Variants in ANKH observed in about 807,000 individuals in gnomAD.
The protein encoded by ANKH is ANKH inorganic pyrophosphate transport regulator.
ANKH carries 15 observed loss-of-function variants against 49.0 expected under a neutral mutation model. That is an observed-to-expected ratio of 0.31 (90% CI 0.20 to 0.47). The LOEUF (loss-of-function observed/expected upper bound fraction) is 0.47. Among genes scored for constraint, ANKH ranks in the 20% least tolerant of loss-of-function variants. The pLI is 1.00. For synonymous variants in ANKH, 273 were observed against 260.0 expected (o/e 1.05, Z -0.48); for missense variants, 429 against 652.0 (o/e 0.66, Z 3.72).
At chr5:14,772,525 G>A (rs1580056109) in intron 1 of ANKH, among the ~76,000 whole-genome samples, 1 of 152,032 alleles carries the variant, frequency 6.6e-6, no homozygotes, top group East Asian at 1.9e-4. Flanking sequence ...TAGCCTCTGA[G>A]AGCACACCTG....
chr5:14,862,052 A>G (rs1452393436), intron 1 of ANKH, among the ~76,000 whole-genome samples: 2 of 152,168 alleles, frequency 1.3e-5, no homozygotes, highest in Non-Finnish European at 2.9e-5. Context: ...CCTGGCCAAC[A>G]TGGTGAAACC....
intron 1 of ANKH, among the ~76,000 whole-genome samples, chr5:14,830,835 C>T (rs1741484725): frequency 6.6e-6 from 1 of 152,064 alleles, no homozygotes; most frequent in African/African-American, 2.4e-5. Context: ...TGGTTTTTGG[C>T]ATCCAAAGGG....
At chr5:14,856,321 T>C (rs1056457104) in intron 1 of ANKH, among the ~76,000 whole-genome samples, 1 of 152,174 alleles carries the variant, frequency 6.6e-6, no homozygotes, top group Non-Finnish European at 1.5e-5. Context: ...TTTGCAATAC[T>C]ATCATACATA....
intron 9 of ANKH, among the ~76,000 whole-genome samples, chr5:14,715,740 G>A (rs190394791): frequency 1.7e-4 from 26 of 149,378 alleles, no homozygotes; most frequent in African/African-American, 6.4e-4. Flanking sequence ...ATTTGCTATG[G>A]AAATGGTTGT....
rs542102719 is a variant in ANKH, at chr5:14,787,192, TA to T, written c.97-18002del. 4.7e-4 allele frequency among the ~76,000 whole-genome samples: 71 copies of T among 152,256 alleles called. No individual in the cohort carries two copies. The East Asian group carries it at 0.013, about 27-fold the overall frequency. On this transcript the variant is annotated intron_variant, in intron 1 of 11. Coordinates refer to ENST00000284268, the MANE Select transcript of ANKH (RefSeq NM_054027.6). Reference sequence around the variant, plus strand: ...AGCCTGGCCTGGTTGCATGCGCCTGTAATCCCAGCTACTTGGGAAGCTGAGG... The same window carrying T: ...AGCCTGGCCTGGTTGCATGCGCCTGTATCCCAGCTACTTGGGAAGCTGAGG...
intron 1 of ANKH, chr5:14,797,993 GT>G: frequency 6.4e-7 from 1 of 1,561,404 alleles, no homozygotes; most frequent in Non-Finnish European, 8.8e-7. Flanking sequence ...TGATACAAGG[GT>G]TCTGGGGCAT....
chr5:14,866,971 A>G (rs1412198158), intron 1 of ANKH, among the ~76,000 whole-genome samples: 1 of 152,156 alleles, frequency 6.6e-6, no homozygotes, highest in Non-Finnish European at 1.5e-5. Flanking sequence ...AGCCTGGGCA[A>G]CATGGTGAAA....
At chr5:14,771,921 G>GAAAAAAAAAAAAAAAAAAAAAA (rs869185652) in intron 1 of ANKH, among the ~76,000 whole-genome samples, 3 of 53,390 alleles carry the variant, frequency 5.6e-5, no homozygotes, top group South Asian at 9.3e-4. Flanking sequence ...CTCAAAAAAA[G>GAAAAAAAAAAAAAAAAAAAAAA]AAAAAAAAAA....
At chr5:14,788,523 C>T (rs920066708) in intron 1 of ANKH, among the ~76,000 whole-genome samples, 1 of 152,222 alleles carries the variant, frequency 6.6e-6, no homozygotes, top group East Asian at 1.9e-4. Context: ...ACACCACACA[C>T]ACTAAGTATA....
chr5:14,762,735 G>C (rs951902195), intron 2 of ANKH, among the ~76,000 whole-genome samples: 5 of 97,874 alleles, frequency 5.1e-5, no homozygotes, highest in Admixed American at 1.9e-4. Flanking sequence ...AGAGCTATTG[G>C]GGGGGTGGGG....
intron 1 of ANKH, among the ~76,000 whole-genome samples, chr5:14,855,793 T>C (rs1190276075): frequency 6.9e-6 from 1 of 144,660 alleles, no homozygotes; most frequent in Non-Finnish European, 1.5e-5. Flanking sequence ...GGCACACTAC[T>C]GAGAAAATCC....
rs1366779483 is a variant in ANKH at position 14,771,936 on chromosome 5, A to AC, written c.97-2746_97-2745insG. Among the ~76,000 whole-genome samples the AC allele has an allele frequency of 6.4e-3, 753 of 117,256 alleles. 12 individuals carry two copies. The highest frequency in any genetic ancestry group is 8.4e-3 in the Non-Finnish European group (394 of 47,132). 76.9% of individuals were successfully genotyped at this position (117,256 alleles called of 152,430 possible). A position where few individuals can be genotyped will look rare whatever the true frequency, so the allele number is the denominator to read the frequency against. ...CTCAAAAAAAGAAAAAAAAAAAAAA[A>AC]AAAAAAAAAAACCAAAACAAAACAA... On this transcript the variant is annotated intron_variant, in intron 1 of 11. Coordinates refer to ENST00000284268, the MANE Select transcript of ANKH (RefSeq NM_054027.6).
intron 1 of ANKH, among the ~76,000 whole-genome samples, chr5:14,854,107 A>G (rs1223167485): frequency 2.6e-5 from 4 of 152,254 alleles, no homozygotes; most frequent in African/African-American, 9.6e-5. Context: ...CAAATGGCTG[A>G]GAACTAACTG....
intron 11 of ANKH, 64 bp from the exon 12 acceptor site, chr5:14,711,374 A>G (rs1264659640): frequency 3.3e-5 from 47 of 1,417,636 alleles, no homozygotes; most frequent in Non-Finnish European, 4.3e-5. Context: ...CAGAACCACG[A>G]GCAGGGAGAC....
At chr5:14,793,081 A>ATATTTATTTATTTATATAT (rs1491350155) in intron 1 of ANKH, among the ~76,000 whole-genome samples, 4 of 116,298 alleles carry the variant, frequency 3.4e-5, no homozygotes, top group African/African-American at 7.4e-5. Flanking sequence ...ATATATAAAA[A>ATATTTATTTATTTATATAT]TATATATATA....
intron 3 of ANKH, among the ~76,000 whole-genome samples, chr5:14,757,361 G>A (rs74849036): frequency 2.1e-3 from 314 of 148,332 alleles, no homozygotes; most frequent in African/African-American, 7.6e-3. Flanking sequence ...AGAATAATTC[G>A]AAATGGAGCC....
chr5:14,819,103 G>C (rs934321629), intron 1 of ANKH, among the ~76,000 whole-genome samples: 4 of 152,104 alleles, frequency 2.6e-5, no homozygotes, highest in African/African-American at 9.7e-5. Context: ...GCTACCCCTC[G>C]TCTGGCATGA....
At chr5:14,798,405 G>T in intron 1 of ANKH, 2 of 1,557,926 alleles carry the variant, frequency 1.3e-6, no homozygotes, top group African/African-American at 2.7e-5. Flanking sequence ...GGCCATGGCG[G>T]GCAGGCGAGC....
chr5:14,814,373 G>A (rs1277859997), intron 1 of ANKH, among the ~76,000 whole-genome samples: 1 of 152,244 alleles, frequency 6.6e-6, no homozygotes, highest in Non-Finnish European at 1.5e-5. Context: ...GGCTGAGGCA[G>A]GAGGACTGTT....
Sources: allele counts gnomAD v4.1 joint callset (sites outside exome capture counted in the v4.1 genomes callset), GRCh38; gene constraint gnomAD v4.1.1; transcripts MANE v1.5; gene names NCBI Gene and HGNC (gene_info 2026-07-23, HGNC 2026-07-21).